RGS6: variants seen among roughly 807,000 people sequenced by gnomAD.
RGS6 encodes regulator of G protein signaling 6.
RGS6 carries 30 observed loss-of-function variants against 78.5 expected under a neutral mutation model. The observed-to-expected ratio is 0.38, with a 90% confidence interval of 0.29 to 0.52. The LOEUF (loss-of-function observed/expected upper bound fraction) is 0.52. RGS6 is among the 20% of genes least tolerant of loss of function. The pLI, the probability that RGS6 is intolerant of heterozygous loss-of-function variation, is 0.85. For missense variants in RGS6, 495 were observed against 609.7 expected (o/e 0.81, Z 1.98); for synonymous variants, 206 against 206.0 (o/e 1.00, Z 0.00).
chr14:72,445,181 CTGTTT>C (rs891013761), intron 3 of RGS6, among the ~76,000 whole-genome samples: 11 of 152,184 alleles, frequency 7.2e-5, no homozygotes, highest in Non-Finnish European at 1.0e-4. Flanking sequence ...TGAGATTTCT[CTGTTT>C]TGTTTTGTTT....
chr14:72,539,024 T>C (rs1186632772), intron 16 of RGS6, among the ~76,000 whole-genome samples: 1 of 152,214 alleles, frequency 6.6e-6, no homozygotes, highest in Non-Finnish European at 1.5e-5. Flanking sequence ...CTCTCCGAAC[T>C]TCTCAGCCTC....
chr14:72,448,986 T>C (rs993965097), intron 3 of RGS6, among the ~76,000 whole-genome samples: 5 of 152,212 alleles, frequency 3.3e-5, no homozygotes, highest in African/African-American at 1.2e-4. Context: ...AGCTCTGGCC[T>C]GGTACACCAT....
chr14:72,280,405 C>T (rs1435055298), intron 2 of RGS6, among the ~76,000 whole-genome samples: 1 of 152,184 alleles, frequency 6.6e-6, no homozygotes, highest in Non-Finnish European at 1.5e-5. Flanking sequence ...TGATTCCCTC[C>T]AAGTCATGGT....
At chr14:72,331,528 G>A (rs1391028564) in intron 2 of RGS6, among the ~76,000 whole-genome samples, 1 of 152,200 alleles carries the variant, frequency 6.6e-6, no homozygotes, top group East Asian at 1.9e-4. Context: ...TCTCCACTTG[G>A]TGTCGGCCGG....
At chr14:72,309,494 C>A (rs553827109) in intron 2 of RGS6, among the ~76,000 whole-genome samples, 1 of 152,116 alleles carries the variant, frequency 6.6e-6, no homozygotes, top group Non-Finnish European at 1.5e-5. Flanking sequence ...CTGACATTCA[C>A]CATGGGCTTT....
chr14:72,534,602 T>C (rs917668274), intron 15 of RGS6, among the ~76,000 whole-genome samples: 5 of 152,352 alleles, frequency 3.3e-5, no homozygotes, highest in African/African-American at 7.2e-5. Flanking sequence ...TATCTATTCA[T>C]TGATGGACTC....
chr14:71,964,650 T>C (rs138782796), intron 1 of RGS6, 122 bp from the exon 2 acceptor site: 2 of 624,724 alleles, frequency 3.2e-6, no homozygotes, highest in South Asian at 2.2e-5. Flanking sequence ...TTAAAAAATG[T>C]ATCATGTAAT....
the RGS6 span, among the ~76,000 whole-genome samples, chr14:71,916,192 G>A: frequency 1.3e-5 from 2 of 152,156 alleles, no homozygotes; most frequent in African/African-American, 4.8e-5. Context: ...ATGTGGAGCT[G>A]GGTGCTGCTT....
At chr14:71,873,249 G>C in the RGS6 span, among the ~76,000 whole-genome samples, 1 of 152,148 alleles carries the variant, frequency 6.6e-6, no homozygotes, top group African/African-American at 2.4e-5. Flanking sequence ...CTAGTTCACA[G>C]TCCCACAAAC....
intron 1 of RGS6, among the ~76,000 whole-genome samples, chr14:71,964,061 T>C (rs1282718837): frequency 6.6e-6 from 1 of 152,012 alleles, no homozygotes; most frequent in African/African-American, 2.4e-5. Context: ...ATAATCTTAA[T>C]GGGTATGAAG....
the RGS6 span, among the ~76,000 whole-genome samples, chr14:72,619,001 C>A: frequency 7.2e-5 from 11 of 152,172 alleles, no homozygotes; most frequent in African/African-American, 2.7e-4. Flanking sequence ...AATGAGAGGG[C>A]CTCGGTGCTA....
intron 2 of RGS6, among the ~76,000 whole-genome samples, chr14:72,083,350 TG>T (rs2094900810): frequency 6.6e-6 from 1 of 152,108 alleles, no homozygotes; most frequent in African/African-American, 2.4e-5. Context: ...TGGTATCTAG[TG>T]GGTAGAGGCC....
the RGS6 span, among the ~76,000 whole-genome samples, chr14:72,626,508 C>T: frequency 6.6e-6 from 1 of 152,104 alleles, no homozygotes; most frequent in Non-Finnish European, 1.5e-5. Context: ...TCATAGACAT[C>T]TGCCTTATTC....
the RGS6 span, among the ~76,000 whole-genome samples, chr14:72,606,987 T>C: frequency 1.3e-5 from 2 of 152,220 alleles, no homozygotes; most frequent in Admixed American, 6.5e-5. Flanking sequence ...TGCAGAGCCA[T>C]GAGCCAAATA....
intron 2 of RGS6, among the ~76,000 whole-genome samples, chr14:71,970,137 G>A (rs951008074): frequency 2.0e-5 from 3 of 152,150 alleles, no homozygotes; most frequent in Admixed American, 1.3e-4. Context: ...TCATTTTGTA[G>A]TATTAATTAT....
chr14:72,096,429 G>A (rs1460524739), intron 2 of RGS6, among the ~76,000 whole-genome samples: 1 of 152,180 alleles, frequency 6.6e-6, no homozygotes, highest in Admixed American at 6.5e-5. Context: ...TAACAACTGT[G>A]CTAAAACAAC....
At chr14:72,360,958 A>G (rs1174927904) in intron 3 of RGS6, among the ~76,000 whole-genome samples, 1 of 152,020 alleles carries the variant, frequency 6.6e-6, no homozygotes, top group Non-Finnish European at 1.5e-5. Flanking sequence ...TAAGTGTTTG[A>G]CAGTTTCTTC....
At chr14:72,455,064 A>C (rs1379726118) in intron 4 of RGS6, among the ~76,000 whole-genome samples, 3 of 152,230 alleles carry the variant, frequency 2.0e-5, no homozygotes, top group South Asian at 2.1e-4. Context: ...AAACAACAAC[A>C]GAACCCTGGC....
At chr14:72,509,702 A>G (rs141313153) in intron 13 of RGS6, among the ~76,000 whole-genome samples, 2 of 152,326 alleles carry the variant, frequency 1.3e-5, no homozygotes, top group East Asian at 3.9e-4. Flanking sequence ...GTTGTACATC[A>G]CTTGGCTTGA....
Sources: gnomAD v4.1 joint callset for allele counts (sites outside exome capture counted in the v4.1 genomes callset) on GRCh38, gnomAD v4.1.1 for gene constraint, MANE v1.5 for transcripts, NCBI Gene and HGNC (gene_info 2026-07-23, HGNC 2026-07-21) for gene names.